Variants in ELFN1 observed in about 807,000 individuals in gnomAD.
The protein encoded by ELFN1 is extracellular leucine rich repeat and fibronectin type III domain containing 1, also known as protein ELFN1.
A neutral mutation model predicts 7.6 loss-of-function variants in ELFN1; 6 were observed. The ratio of observed to expected loss-of-function variants is 0.79; its 90% confidence interval spans 0.43 to 1.56. The LOEUF (loss-of-function observed/expected upper bound fraction) is 1.56, where lower values mean the gene tolerates loss of function less well. ELFN1 is among the 40% of genes most tolerant of loss of function. The pLI is 0.01. For missense variants in ELFN1, 1,169 were observed against 1,232.2 expected (o/e 0.95, Z 0.77); for synonymous variants, 657 against 588.1 (o/e 1.12, Z -1.70).
rs574677196 is a variant in ELFN1 at position 1,727,539 on chromosome 7, C to G, written c.-293-16765C>G. 1.2e-3 allele frequency among the ~76,000 whole-genome samples: 178 copies of G among 152,262 alleles called. 1 individual carries two copies. In the Middle Eastern group the frequency reaches 0.014, roughly 12 times the overall value. ...TAGCCCCAAGCTGTCTCCCCAGCCC[C>G]ACTCAAGGGGCCTCCCTTCATTTCC... On this transcript the variant is annotated intron_variant, in intron 3 of 3. Transcript: ENST00000424383.
intron 2 of ELFN1, chr7:1,694,226 G>T (rs896536525): frequency 1.5e-5 from 3 of 199,080 alleles, no homozygotes; most frequent in African/African-American, 6.8e-5. Flanking sequence ...GGCTTGGGAG[G>T]CCGGTGCCGG....
intron 1 of ELFN1, among the ~76,000 whole-genome samples, chr7:1,680,006 G>C (rs1778945392): frequency 6.6e-6 from 1 of 152,252 alleles, no homozygotes; most frequent in Admixed American, 6.5e-5. Context: ...CAGGTGCACA[G>C]TTCATTAAAC....
At chr7:1,724,393 T>C (rs56169829) in intron 3 of ELFN1, among the ~76,000 whole-genome samples, 2,405 of 152,278 alleles carry the variant, frequency 0.016, 24 homozygotes, top group Non-Finnish European at 0.025. Flanking sequence ...TTGGTCTTCC[T>C]GTTCCCTGAG....
At chr7:1,697,760 C>T (rs1779348575) in intron 2 of ELFN1, among the ~76,000 whole-genome samples, 1 of 152,176 alleles carries the variant, frequency 6.6e-6, no homozygotes, top group South Asian at 2.1e-4. Context: ...GCATGTGTCA[C>T]CTGAACAGAT....
chr7:1,746,940 C>A lies in ELFN1; in HGVS notation c.2344C>A (p.Leu782Met). 8 of 1,550,302 alleles carry A rather than the reference C, an allele frequency of 5.2e-6. No individual in the cohort carries two copies. Among genetic ancestry groups the A allele is most frequent in the Non-Finnish European group, 6.1e-6 (7 of 1,146,980 alleles). ...CCAGAGCATCTGGGAGCGCTTCAGA[C>A]TGAGCCGCCGGCGGCACAAGGAGGA... ...ASQSIWERFR[L>M]SRRRHKEEEE... Residue 782 changes from leucine (L) to methionine (M), a missense_variant, in exon 4 of 4, where the codon CTG becomes ATG. Coordinates refer to ENST00000424383, the MANE Select transcript of ELFN1 (RefSeq NM_001128636.4).
In ELFN1 at chr7:1,670,634, C is replaced by G. The variant is rs893670064; in HGVS notation, c.-549+280C>G. 2.0e-5 allele frequency among the ~76,000 whole-genome samples: 3 copies of G among 152,116 alleles called. No homozygotes were observed. Among genetic ancestry groups the G allele is most frequent in the Admixed American group, 6.5e-5 (1 of 15,284 alleles). ...CGCTGCCGCAGCCCGCACGCTGCCC[C>G]GTGCCTCCGAGAGGTCCCTTCCCCA... On this transcript the variant is annotated intron_variant, in intron 1 of 3. Coordinates refer to ENST00000424383, the MANE Select transcript of ELFN1 (RefSeq NM_001128636.4). This position sits in a 1 kb window ranked among gnomAD's most constrained non-coding sequence, Gnocchi z 6.4.
intron 1 of ELFN1, among the ~76,000 whole-genome samples, chr7:1,672,735 C>T (rs80166971): frequency 1.8e-4 from 27 of 152,128 alleles, no homozygotes; most frequent in African/African-American, 3.6e-4. Context: ...TCCCTTCCCC[C>T]CCGACAAGCC....
chr7:1,676,260 G>A (rs985515375), intron 1 of ELFN1, among the ~76,000 whole-genome samples: 2 of 152,128 alleles, frequency 1.3e-5, no homozygotes, highest in African/African-American at 2.4e-5. Context: ...CTGACAGACT[G>A]CCCCTGTGTC....
intron 1 of ELFN1, among the ~76,000 whole-genome samples, chr7:1,674,893 T>C (rs2128573922): frequency 6.6e-6 from 1 of 152,190 alleles, no homozygotes; most frequent in East Asian, 1.9e-4. Context: ...AGGTCCACTG[T>C]GTTTGCTAGA....
At chr7:1,730,330 G>A (rs1780301385) in intron 3 of ELFN1, among the ~76,000 whole-genome samples, 1 of 152,208 alleles carries the variant, frequency 6.6e-6, no homozygotes, top group Non-Finnish European at 1.5e-5. Context: ...TGATGAGCTG[G>A]AGGAGGAAGC....
intron 1 of ELFN1, among the ~76,000 whole-genome samples, chr7:1,684,323 G>T (rs1403676414): frequency 1.3e-5 from 2 of 151,928 alleles, no homozygotes; most frequent in Non-Finnish European, 2.9e-5. Flanking sequence ...TATATATTTG[G>T]GTTGTTTCCA....
At chr7:1,681,926 C>CCA (rs1210516755) in intron 1 of ELFN1, among the ~76,000 whole-genome samples, 7 of 152,022 alleles carry the variant, frequency 4.6e-5, no homozygotes, top group South Asian at 4.1e-4. Flanking sequence ...AATCTCTTGC[C>CCA]CATATTTAAT....
intron 1 of ELFN1, among the ~76,000 whole-genome samples, chr7:1,686,460 A>C (rs1396752933): frequency 6.6e-6 from 1 of 151,716 alleles, no homozygotes; most frequent in African/African-American, 2.4e-5. Flanking sequence ...CTACAGGTAC[A>C]TGTCACCATT....
chr7:1,680,865 C>T (rs1416589555), intron 1 of ELFN1, among the ~76,000 whole-genome samples: 1 of 151,928 alleles, frequency 6.6e-6, no homozygotes, highest in Non-Finnish European at 1.5e-5. Flanking sequence ...CCTCAGCCTC[C>T]TGAGTAGCTG....
At position 1,745,970 on chromosome 7, in the gene ELFN1, A is replaced by G; in HGVS notation, c.1374A>G (p.Ala458=). The G allele has an allele frequency of 1.9e-6, 3 of 1,545,836 alleles. No homozygotes were observed. Among genetic ancestry groups the G allele is most frequent in the Non-Finnish European group, 2.6e-6 (3 of 1,144,046 alleles). Residue 458 remains alanine (A), a synonymous_variant, in exon 4 of 4, where the codon GCA becomes GCG. Coordinates refer to ENST00000424383, the MANE Select transcript of ELFN1 (RefSeq NM_001128636.4). ...EKHKKAASAA[A]AGSLKKTIIE... ...ACAAGAAGGCCGCCTCGGCAGCCGC[A>G]GCTGGCAGCCTCAAGAAGACCATCA...
At chr7:1,724,502 A>C (rs1237003202) in intron 3 of ELFN1, among the ~76,000 whole-genome samples, 1 of 152,156 alleles carries the variant, frequency 6.6e-6, no homozygotes. Flanking sequence ...TCAGTCCAGC[A>C]GGAGGGAAGG....
rs1780415327 is a variant in ELFN1 at position 1,735,302 on chromosome 7, G to C, written c.-293-9002G>C. 6.6e-6 allele frequency among the ~76,000 whole-genome samples: 1 copy of C among 152,064 alleles called. No homozygotes were observed. The highest frequency in any genetic ancestry group is 2.4e-5 in the African/African-American group (1 of 41,402). On this transcript the variant is annotated intron_variant, in intron 3 of 3. Coordinates refer to ENST00000424383, the MANE Select transcript of ELFN1 (RefSeq NM_001128636.4). The surrounding 1 kb of genome is among the most constrained non-coding windows in gnomAD (Gnocchi z 5.9). ...GCAGCTTCCATGAGTCGTGTGGATG[G>C]CCCAAGGTCACATGGTAAGGTCGTC...
chr7:1,690,608 A>G (rs540411701), intron 2 of ELFN1, among the ~76,000 whole-genome samples: 1 of 146,662 alleles, frequency 6.8e-6, no homozygotes, highest in Non-Finnish European at 1.5e-5. Flanking sequence ...GGATGGATGA[A>G]TGGATAAATG....
chr7:1,682,727 T>A (rs1778995530), intron 1 of ELFN1, among the ~76,000 whole-genome samples: 2 of 152,112 alleles, frequency 1.3e-5, no homozygotes, highest in African/African-American at 4.8e-5. Flanking sequence ...TTTCTTTTTC[T>A]TGCCTTATTG....
Sources: allele counts gnomAD v4.1 joint callset (sites outside exome capture counted in the v4.1 genomes callset), GRCh38; gene constraint gnomAD v4.1.1; non-coding constraint Gnocchi (gnomAD v3.1); transcripts MANE v1.5; gene names NCBI Gene and HGNC (gene_info 2026-07-23, HGNC 2026-07-21).